The following RAPGEF5 variants were observed in gnomAD, a reference collection of about 807,000 sequenced individuals.
RAPGEF5 encodes Rap guanine nucleotide exchange factor 5.
RAPGEF5 carries 65 observed loss-of-function variants against 125.2 expected under a neutral mutation model. That is an observed-to-expected ratio of 0.52 (90% CI 0.43 to 0.64). The LOEUF (loss-of-function observed/expected upper bound fraction) is 0.64. Among genes scored for constraint, RAPGEF5 ranks in the 30% least tolerant of loss-of-function variants. RAPGEF5 has a pLI of 0.00. For missense variants in RAPGEF5, 958 were observed against 1,048.1 expected, an observed-to-expected ratio of 0.91 and a Z score of 1.19; for synonymous variants, 391 against 385.9, an observed-to-expected ratio of 1.01 and a Z score of -0.16.
At chr7:22,139,859 G>A in intron 21 of RAPGEF5, 166 bp downstream of exon 21, 1 of 593,164 alleles carries the variant, frequency 1.7e-6, no homozygotes, top group Non-Finnish European at 3.0e-6. Context: ...ATCTAGTTCA[G>A]ACACATTATA....
At chr7:22,126,803 A>G (rs1782759797) in intron 24 of RAPGEF5, among the ~76,000 whole-genome samples, 1 of 151,384 alleles carries the variant, frequency 6.6e-6, no homozygotes, top group Non-Finnish European at 1.5e-5. Context: ...TTGTATTTTT[A>G]GTAGAGATGG....
intron 7 of RAPGEF5, among the ~76,000 whole-genome samples, chr7:22,261,572 G>A (rs1375042111): frequency 6.6e-6 from 1 of 152,164 alleles, no homozygotes; most frequent in Non-Finnish European, 1.5e-5. Flanking sequence ...TGAGCTGTGA[G>A]CTGTGACTGC....
chr7:22,148,024 T>C (rs1291022485), intron 18 of RAPGEF5, among the ~76,000 whole-genome samples: 2 of 152,212 alleles, frequency 1.3e-5, no homozygotes, highest in Non-Finnish European at 2.9e-5. Context: ...ACAGACTCAG[T>C]CCTCTCAGCA....
At chr7:22,331,845 T>C (rs1454664976) in intron 1 of RAPGEF5, among the ~76,000 whole-genome samples, 1 of 152,046 alleles carries the variant, frequency 6.6e-6, no homozygotes, top group Non-Finnish European at 1.5e-5. Flanking sequence ...GGGACAGCAG[T>C]AAGCAGGTTA....
At chr7:22,175,140 G>A (rs1784466218) in intron 11 of RAPGEF5, among the ~76,000 whole-genome samples, 4 of 152,070 alleles carry the variant, frequency 2.6e-5, no homozygotes, top group Admixed American at 2.0e-4. Context: ...ACAAACAAAC[G>A]GGACACAAAT....
chr7:22,207,698 A>G (rs761508631), intron 9 of RAPGEF5, among the ~76,000 whole-genome samples: 5 of 152,234 alleles, frequency 3.3e-5, no homozygotes, highest in Non-Finnish European at 5.9e-5. Context: ...GCCTGTTTTC[A>G]AAAACAAATT....
rs187747375 is a variant in RAPGEF5 at position 22,157,824 on chromosome 7, C to T, written c.1557+31G>A. 2,356 of 1,598,354 alleles carry T rather than the reference C, an allele frequency of 1.5e-3. 39 individuals carry two copies. The South Asian group carries it at 0.018, about 12-fold the overall frequency. On this transcript the variant is annotated intron_variant, in intron 15 of 25. Coordinates refer to ENST00000665637, the MANE Select transcript of RAPGEF5 (RefSeq NM_012294.5). ...AAGGCAAGGTCTCCAAACCGGATCA[C>T]CTAATTTTAGGTATAGAAGCATCTG...
At chr7:22,183,210 A>G (rs1489811626) in intron 11 of RAPGEF5, among the ~76,000 whole-genome samples, 1 of 133,742 alleles carries the variant, frequency 7.5e-6, no homozygotes, top group Non-Finnish European at 1.6e-5. Context: ...GGGAGGTTGC[A>G]GTGAGTCGAG....
intron 11 of RAPGEF5, chr7:22,191,535 T>G (rs1044006605): frequency 2.1e-6 from 1 of 470,670 alleles, no homozygotes; most frequent in African/African-American, 2.0e-5. Flanking sequence ...CAACCCCTTC[T>G]TCCCCACTTA....
chr7:22,315,262 T>G, intron 3 of RAPGEF5, 108 bp downstream of exon 3: 1 of 1,312,366 alleles, frequency 7.6e-7, no homozygotes, highest in Non-Finnish European at 1.0e-6. Flanking sequence ...CAAACCCTCC[T>G]ACTACTGATA....
At chr7:22,133,331 T>G (rs1223549171) in intron 23 of RAPGEF5, among the ~76,000 whole-genome samples, 1 of 151,984 alleles carries the variant, frequency 6.6e-6, no homozygotes, top group Non-Finnish European at 1.5e-5. Flanking sequence ...TTCGATGCAG[T>G]TGAATGGCAG....
At chr7:22,172,046 G>C (rs1374915478) in intron 11 of RAPGEF5, among the ~76,000 whole-genome samples, 1 of 151,964 alleles carries the variant, frequency 6.6e-6, no homozygotes, top group Non-Finnish European at 1.5e-5. Flanking sequence ...ATATAGAAAT[G>C]GTTTTGAAAT....
At position 22,122,432 on chromosome 7, in the gene RAPGEF5, A is replaced by G. The variant is rs1344233859; in HGVS notation, c.2626T>C (p.Ser876Pro). 2 of 1,613,752 alleles carry G rather than the reference A, an allele frequency of 1.2e-6. No individual in the cohort carries two copies. Among genetic ancestry groups the G allele is most frequent in the Non-Finnish European group, 1.7e-6 (2 of 1,179,752 alleles). ...CACACCCGAGGCTCGATCCTGTGTG[A>G]GAGCTCAAACAGAGCCTGCTGGCTG... ...IDSQQALFEL[S>P]HRIEPRV The change falls in exon 26 of 26, where the codon TCA becomes CCA. Residue 876 changes from serine to proline, a missense_variant. Coordinates refer to ENST00000665637, the MANE Select transcript of RAPGEF5 (RefSeq NM_012294.5).
At chr7:22,307,650 C>T (rs895520041) in intron 5 of RAPGEF5, among the ~76,000 whole-genome samples, 27 of 152,126 alleles carry the variant, frequency 1.8e-4, no homozygotes, top group African/African-American at 6.0e-4. Flanking sequence ...GACATAAAGA[C>T]CATACTGCTT....
chr7:22,189,134 T>C (rs1356345915), intron 11 of RAPGEF5, among the ~76,000 whole-genome samples: 2 of 150,530 alleles, frequency 1.3e-5, no homozygotes, highest in Non-Finnish European at 3.0e-5. Flanking sequence ...CTTTACCTAT[T>C]CCTACTATTC....
intron 3 of RAPGEF5, 88 bp from the exon 4 acceptor site, chr7:22,310,178 C>A: frequency 1.6e-6 from 2 of 1,283,246 alleles, no homozygotes; most frequent in Non-Finnish European, 2.0e-6. Context: ...CCTTTCCTTT[C>A]ATGTGCTTGC....
intron 11 of RAPGEF5, among the ~76,000 whole-genome samples, chr7:22,185,203 G>A (rs1398691829): frequency 6.6e-6 from 1 of 152,164 alleles, no homozygotes; most frequent in African/African-American, 2.4e-5. Context: ...GATTCAAATG[G>A]TGGCTCAATC....
Position 22,160,614 on chromosome 7 carries a change from G to C in RAPGEF5, c.1430C>G (p.Thr477Ser). ...EDEHSKMFLK[T>S]IYRNVLDDVY... ...ATCATCCAGTACATTCCTATATATG[G>C]TCTGGAGAAAAAAGACAAATGAGAG... Residue 477 changes from threonine to serine, a missense_variant and splice_region_variant, in exon 14 of 26, where the codon ACC (threonine) becomes AGC (serine). Coordinates refer to ENST00000665637, the MANE Select transcript of RAPGEF5 (RefSeq NM_012294.5). The C allele has an allele frequency of 1.3e-6, 2 of 1,527,762 alleles. No homozygotes were observed. The highest frequency in any genetic ancestry group is 1.8e-6 in the Non-Finnish European group (2 of 1,140,904). 94.6% of individuals were successfully genotyped at this position (1,527,762 alleles called of 1,614,324 possible). A position where few individuals can be genotyped will look rare whatever the true frequency, so the allele number is the denominator to read the frequency against.
chr7:22,165,597 C>T (rs911712568), intron 12 of RAPGEF5, among the ~76,000 whole-genome samples: 1 of 152,068 alleles, frequency 6.6e-6, no homozygotes, highest in Admixed American at 6.6e-5. Flanking sequence ...TGAACTGGTT[C>T]TAAAAAGTGG....
Sources: allele counts gnomAD v4.1 joint callset (sites outside exome capture counted in the v4.1 genomes callset), GRCh38; gene constraint gnomAD v4.1.1; transcripts MANE v1.5; gene names NCBI Gene and HGNC (gene_info 2026-07-23, HGNC 2026-07-21).